The following NRXN3 variants were observed in gnomAD, a reference collection of about 807,000 sequenced individuals.
NRXN3 encodes the protein neurexin 3.
NRXN3 carries 32 observed loss-of-function variants against 137.6 expected under a neutral mutation model. That is an observed-to-expected ratio of 0.23 (90% CI 0.18 to 0.31). The LOEUF (loss-of-function observed/expected upper bound fraction) is 0.31, where lower values mean the gene tolerates loss of function less well. Ranked by LOEUF, NRXN3 falls within the 10% of genes least tolerant of loss-of-function variation. The pLI is 1.00. For missense variants in NRXN3, 1,574 were observed against 2,062.5 expected, an observed-to-expected ratio of 0.76 and a Z score of 4.59; for synonymous variants, 798 against 784.5, an observed-to-expected ratio of 1.02 and a Z score of -0.29.
At chr14:78,268,715 C>G (rs1161983647) in intron 2 of NRXN3, among the ~76,000 whole-genome samples, 1 of 152,124 alleles carries the variant, frequency 6.6e-6, no homozygotes, top group Admixed American at 6.5e-5. Flanking sequence ...CTTCCCTGAG[C>G]CTTAGTTTCC....
intron 14 of NRXN3, among the ~76,000 whole-genome samples, chr14:78,976,887 T>A (rs1425926041): frequency 1.3e-5 from 2 of 152,158 alleles, no homozygotes; most frequent in Non-Finnish European, 2.9e-5. Flanking sequence ...TTGCTGATGA[T>A]CTTTATTGAG....
intron 2 of NRXN3, among the ~76,000 whole-genome samples, chr14:78,266,227 ATAT>A (rs1290136701): frequency 1.3e-5 from 2 of 152,192 alleles, no homozygotes; most frequent in Non-Finnish European, 2.9e-5. Flanking sequence ...ATTCACAAAC[ATAT>A]TATTAATATG....
intron 15 of NRXN3, among the ~76,000 whole-genome samples, chr14:79,132,357 A>G (rs1252541149): frequency 6.6e-6 from 1 of 152,256 alleles, no homozygotes; most frequent in Non-Finnish European, 1.5e-5. Flanking sequence ...CAGTGTCAGA[A>G]TTGAGATGTG....
chr14:78,228,157 CTTTTTTT>C (rs1156767557), intron 1 of NRXN3, among the ~76,000 whole-genome samples: 3 of 130,490 alleles, frequency 2.3e-5, no homozygotes, highest in Admixed American at 7.8e-5. Flanking sequence ...AATTTTCTTT[CTTTTTTT>C]TTTTTTTTTT....
chr14:79,316,778 G>T (rs528562316), intron 15 of NRXN3, among the ~76,000 whole-genome samples: 2 of 149,520 alleles, frequency 1.3e-5, no homozygotes, highest in African/African-American at 2.6e-5. Context: ...AATTCTGGGG[G>T]TGTAGTAGTC....
At chr14:79,805,916 A>G (rs1020898500) in intron 20 of NRXN3, among the ~76,000 whole-genome samples, 3 of 152,016 alleles carry the variant, frequency 2.0e-5, no homozygotes, top group Non-Finnish European at 4.4e-5. Context: ...GGACCCAGAT[A>G]CATTTTGATG....
intron 10 of NRXN3, among the ~76,000 whole-genome samples, chr14:78,899,107 T>C (rs2099187373): frequency 6.6e-6 from 1 of 151,860 alleles, no homozygotes; most frequent in African/African-American, 2.4e-5. Flanking sequence ...TCTGCATAGA[T>C]AGAATGAAGC....
intron 15 of NRXN3, among the ~76,000 whole-genome samples, chr14:79,179,052 A>C (rs1338601415): frequency 6.6e-6 from 1 of 151,166 alleles, no homozygotes; most frequent in African/African-American, 2.4e-5. Flanking sequence ...AGATGAAAAA[A>C]CTCATCTCTG....
At chr14:78,850,688 G>A (rs767575476) in intron 10 of NRXN3, among the ~76,000 whole-genome samples, 1 of 152,106 alleles carries the variant, frequency 6.6e-6, no homozygotes, top group Non-Finnish European at 1.5e-5. Context: ...AGAATTGCAA[G>A]TGGAGCAAAA....
chr14:78,612,628 C>A (rs2097309737), intron 4 of NRXN3, among the ~76,000 whole-genome samples: 1 of 152,194 alleles, frequency 6.6e-6, no homozygotes, highest in Non-Finnish European at 1.5e-5. Context: ...CTGCCACTTG[C>A]CAGATTTGTA....
chr14:78,224,349 T>C (rs1053160896), intron 1 of NRXN3, among the ~76,000 whole-genome samples: 3 of 152,140 alleles, frequency 2.0e-5, no homozygotes, highest in African/African-American at 7.2e-5. Flanking sequence ...TATGTATACA[T>C]GTGCCATGCT....
chr14:78,952,233 G>GTT (rs35821335), intron 10 of NRXN3, among the ~76,000 whole-genome samples: 2 of 149,836 alleles, frequency 1.3e-5, no homozygotes, highest in African/African-American at 2.4e-5. Context: ...GATTTAAAAT[G>GTT]TTTTTTTTTT....
intron 15 of NRXN3, among the ~76,000 whole-genome samples, chr14:79,179,016 A>G (rs1231032378): frequency 6.6e-6 from 1 of 152,184 alleles, no homozygotes; most frequent in African/African-American, 2.4e-5. Context: ...AGCTATTTCT[A>G]AAATGAGGCT....
intron 4 of NRXN3, among the ~76,000 whole-genome samples, chr14:78,499,076 G>C (rs1185455413): frequency 6.6e-6 from 1 of 152,076 alleles, no homozygotes; most frequent in African/African-American, 2.4e-5. Flanking sequence ...TATATTTAAA[G>C]TGCTTAAATT....
In NRXN3 at chr14:79,806,938, T is replaced by TTATATATA. The variant is rs1296037210; in HGVS notation, c.4093+1766_4093+1773dup. Among the ~76,000 whole-genome samples the TTATATATA allele has an allele frequency of 9.1e-3, 526 of 58,042 alleles. 10 individuals are homozygous for TTATATATA. Among genetic ancestry groups the TTATATATA allele is most frequent in the African/African-American group, 0.017 (209 of 12,150 alleles). The allele number at this position is 58,042 out of a possible 152,430, so 38.1% of individuals were successfully genotyped here. ...CCTTTAAGAAATCTAGGCTTTAATTTTATATATATATATATATATATATAT... is the reference window on the plus strand; with the variant it reads ...CCTTTAAGAAATCTAGGCTTTAATTTTATATATATATATATATATATATATATATATAT... On this transcript the variant is annotated intron_variant, in intron 20 of 20. Coordinates refer to ENST00000335750, the MANE Select transcript of NRXN3 (RefSeq NM_001330195.2).
At chr14:79,840,349 T>C (rs905964687) in intron 20 of NRXN3, among the ~76,000 whole-genome samples, 2 of 152,196 alleles carry the variant, frequency 1.3e-5, no homozygotes, top group Non-Finnish European at 2.9e-5. Context: ...TTAGTATGTC[T>C]AGCTTAGGTA....
intron 15 of NRXN3, among the ~76,000 whole-genome samples, chr14:79,062,838 A>C (rs1044365297): frequency 6.6e-6 from 1 of 152,188 alleles, no homozygotes; most frequent in Non-Finnish European, 1.5e-5. Flanking sequence ...ATAAAACACG[A>C]AACAAAAACC....
At chr14:79,321,683 T>C (rs1046061118) in intron 15 of NRXN3, among the ~76,000 whole-genome samples, 1 of 151,378 alleles carries the variant, frequency 6.6e-6, no homozygotes, top group Non-Finnish European at 1.5e-5. Context: ...GCAACTAGTA[T>C]AAGGAATGCT....
intron 10 of NRXN3, among the ~76,000 whole-genome samples, chr14:78,903,628 G>T (rs1382185297): frequency 6.6e-6 from 1 of 151,992 alleles, no homozygotes; most frequent in Non-Finnish European, 1.5e-5. Context: ...TTAGGACTTT[G>T]CCTTTTAAAT....
Sources: gnomAD v4.1 joint callset for allele counts (sites outside exome capture counted in the v4.1 genomes callset) on GRCh38, gnomAD v4.1.1 for gene constraint, MANE v1.5 for transcripts, NCBI Gene and HGNC (gene_info 2026-07-23, HGNC 2026-07-21) for gene names.